The following ZNF695 variants were observed in gnomAD, a reference collection of about 807,000 sequenced individuals.
ZNF695 encodes the protein zinc finger protein SBZF3.
Under a neutral mutation model 11.2 loss-of-function variants are expected in ZNF695, and 11 were observed. The ratio of observed to expected loss-of-function variants is 0.98; its 90% CI spans 0.62 to 1.62. The LOEUF is 1.62. Ranked by LOEUF, ZNF695 falls within the 40% of genes most tolerant of loss-of-function variation. The probability of loss-of-function intolerance (pLI) is 0.00; values close to 1 mark genes in which losing one functional copy is unlikely to be tolerated. For synonymous variants in ZNF695, 190 were observed against 201.4 expected (o/e 0.94, Z 0.48); for missense variants, 559 against 590.5 (o/e 0.95, Z 0.55).
rs201694502 is a variant in ZNF695 at position 246,987,496 on chromosome 1, G to C, written c.1019C>G (p.Thr340Ser). ...GKVFKLLSYL[T>S]QHRRIHTGEK... ...TCCAGTATGAATTCTTCTATGTTGA[G>C]TAAGGTATGACAACAATTTAAAGAC... is the stretch of plus-strand genomic sequence containing the variant. The change falls in exon 4 of 4, where the codon ACT becomes AGT. Residue 340 changes from threonine (T) to serine (S), a missense_variant. By Grantham distance (58) the Thr-to-Ser change is moderately conservative. Transcript: ENST00000339986. 1.1e-4 allele frequency: 178 copies of C among 1,609,046 alleles called. No homozygotes were observed. Among genetic ancestry groups the C allele is most frequent in the Non-Finnish European group, 1.2e-4 (146 of 1,178,012 alleles).
intron 4 of ZNF695, chr1:246,979,696 T>C (rs542895994): frequency 1.3e-5 from 2 of 149,706 alleles, no homozygotes; most frequent in South Asian, 4.4e-4. Flanking sequence ...TTTTAGGCAA[T>C]CTTTTTGTTT....
At chr1:246,981,238 G>T (rs1025902684), downstream of ZNF695, among the ~76,000 whole-genome samples, 1 of 152,156 alleles carries the variant, frequency 6.6e-6, no homozygotes, top group Non-Finnish European at 1.5e-5. Context: ...AAGTGTTGGC[G>T]AAAGTGTGGG....
chr1:246,984,855 GAGA>G (rs1668806888), downstream of ZNF695, among the ~76,000 whole-genome samples: 2 of 152,216 alleles, frequency 1.3e-5, no homozygotes, highest in Non-Finnish European at 2.9e-5. Context: ...TATAATCCCT[GAGA>G]AGATCACATA....
intron 5 of ZNF695, chr1:246,967,285 G>A (rs1668314244): frequency 2.2e-6 from 1 of 446,282 alleles, no homozygotes; most frequent in Non-Finnish European, 4.5e-6. Context: ...CCACTGGATT[G>A]AGAATAGATT....
chr1:246,959,310 AATATATAT>A (rs1158852538), intron 5 of ZNF695, among the ~76,000 whole-genome samples: 274 of 51,186 alleles, frequency 5.4e-3, no homozygotes, highest in African/African-American at 0.015. Context: ...AAAAAAAAAA[AATATATAT>A]ATATATATAT....
chr1:246,958,278 TTGATCTCCTGACCTCG>T (rs1267365256), intron 5 of ZNF695, among the ~76,000 whole-genome samples: 1 of 152,052 alleles, frequency 6.6e-6, no homozygotes, highest in Non-Finnish European at 1.5e-5. Context: ...CAGGATGTTC[TTGATCTCCTGACCTCG>T]TGATCTGCCC....
At chr1:246,975,851 GC>G (rs1419616792) in intron 4 of ZNF695, among the ~76,000 whole-genome samples, 3 of 152,080 alleles carry the variant, frequency 2.0e-5, no homozygotes, top group African/African-American at 7.2e-5. Flanking sequence ...CTTTAAAGAG[GC>G]TAAGTCTCAA....
At chr1:246,980,212 T>G (rs561263147) in intron 4 of ZNF695, among the ~76,000 whole-genome samples, 1 of 149,910 alleles carries the variant, frequency 6.7e-6, no homozygotes, top group African/African-American at 2.4e-5. Context: ...AAACTTATGC[T>G]GTGTTTGAAT....
At chr1:246,988,386 G>A (rs566472647) in intron 3 of ZNF695, 131 bp from the exon 4 acceptor site, 2 of 648,776 alleles carry the variant, frequency 3.1e-6, no homozygotes, top group Non-Finnish European at 4.8e-6. Context: ...TTCCTTCATA[G>A]TCATAATCCT....
intron 4 of ZNF695, among the ~76,000 whole-genome samples, chr1:246,977,589 T>G (rs181472084): frequency 4.0e-4 from 61 of 152,374 alleles, no homozygotes; most frequent in African/African-American, 1.4e-3. Context: ...AGGATAGCTT[T>G]GTTATCAGGT....
At chr1:246,999,282 T>G (rs890768734) in intron 3 of ZNF695, 66 bp downstream of exon 3, 5 of 1,351,406 alleles carry the variant, frequency 3.7e-6, no homozygotes, top group African/African-American at 1.4e-5. Context: ...AACCACAGTT[T>G]AAAGTCTGGC....
Position 246,986,111 on chromosome 1 carries a change from C to T in ZNF695, c.*856G>A. 1 of 933,044 alleles carries T rather than the reference C, an allele frequency of 1.1e-6. No homozygotes were observed. The highest frequency in any genetic ancestry group is 1.8e-5 in the African/African-American group (1 of 56,288). The allele number at this position is 933,044 out of a possible 1,614,324, so 57.8% of individuals were successfully genotyped here. ...TTGAGAAAGGGTCTTGCTCTGTTGCCCAGGCAGGAGTGAAGTTGCCAGATA... is the reference window on the plus strand; with the variant it reads ...TTGAGAAAGGGTCTTGCTCTGTTGCTCAGGCAGGAGTGAAGTTGCCAGATA... On this transcript the variant is annotated 3_prime_UTR_variant, in exon 4 of 4. Coordinates refer to ENST00000339986, the MANE Select transcript of ZNF695 (RefSeq NM_020394.5).
chr1:247,005,382 T>C (rs891393698), intron 1 of ZNF695, among the ~76,000 whole-genome samples: 23 of 152,170 alleles, frequency 1.5e-4, no homozygotes, highest in African/African-American at 5.6e-4. Context: ...TGGATATTCA[T>C]ATGCAGAAGA....
At chr1:246,952,926 A>G (rs1667901918) in intron 5 of ZNF695, among the ~76,000 whole-genome samples, 1 of 151,708 alleles carries the variant, frequency 6.6e-6, no homozygotes, top group African/African-American at 2.4e-5. Context: ...ATCTGTATAA[A>G]TTTTGTTTTA....
intron 5 of ZNF695, among the ~76,000 whole-genome samples, chr1:246,958,135 T>C (rs1318286848): frequency 2.0e-5 from 3 of 151,504 alleles, no homozygotes; most frequent in Non-Finnish European, 4.4e-5. Context: ...CTCGGCTCAC[T>C]GCAAGCTCCG....
In ZNF695 at chr1:246,985,341, T is replaced by C. The variant is rs566025356; in HGVS notation, c.*1626A>G. 7.1e-6 allele frequency: 7 copies of C among 982,372 alleles called. No homozygotes were observed. The highest frequency in any genetic ancestry group is 6.2e-5 in the Admixed American group (1 of 16,260). The allele number at this position is 982,372 out of a possible 1,614,324, so 60.9% of individuals were successfully genotyped here. On this transcript the variant is annotated 3_prime_UTR_variant, in exon 4 of 4. Transcript: ENST00000339986. Reference sequence around the variant, plus strand: ...CACGGTCTTTGATTATAATCCTATATAGGCTTTATTATAGCCTTAATAATG... The same window carrying C: ...CACGGTCTTTGATTATAATCCTATACAGGCTTTATTATAGCCTTAATAATG...
In ZNF695 at chr1:246,964,556, C is replaced by G. The variant is rs185256386; in HGVS notation, c.488+3139G>C. On this transcript the variant is annotated intron_variant, in intron 5 of 5. Coordinates refer to the ZNF695 transcript ENST00000487338. ...ATATTGCTATGGTTTGAATGTTTGT[C>G]TCTTCAGAAACTCATGTTGAAACTT... Among the ~76,000 whole-genome samples, 690 of 152,342 alleles carry G rather than the reference C, an allele frequency of 4.5e-3. 4 individuals are homozygous for G. Among genetic ancestry groups the G allele is most frequent in the Middle Eastern group, 0.014 (4 of 294 alleles).
chr1:246,970,325 AAC>A (rs1265365871), intron 4 of ZNF695, among the ~76,000 whole-genome samples: 1 of 152,008 alleles, frequency 6.6e-6, no homozygotes, highest in African/African-American at 2.4e-5. Flanking sequence ...AGAGGAGGGA[AAC>A]AGAGGTGAGC....
intron 5 of ZNF695, among the ~76,000 whole-genome samples, chr1:246,955,480 TTTAA>T (rs1667973635): frequency 1.3e-5 from 2 of 152,330 alleles, no homozygotes; most frequent in South Asian, 2.1e-4. Flanking sequence ...AGTAATTTTA[TTTAA>T]TTAAGAGTAG....
Sources: gnomAD v4.1 joint callset for allele counts (sites outside exome capture counted in the v4.1 genomes callset) on GRCh38, gnomAD v4.1.1 for gene constraint, MANE v1.5 for transcripts, NCBI Gene and HGNC (gene_info 2026-07-23, HGNC 2026-07-21) for gene names.